The following NEB variants were observed in gnomAD, a reference collection of about 807,000 sequenced individuals.
NEB encodes nebulin.
In NEB, 512 loss-of-function variants were observed where a neutral mutation model predicts 952.2. The ratio of observed to expected loss-of-function variants is 0.54; its 90% CI spans 0.50 to 0.58. NEB has a LOEUF of 0.58. NEB is among the 20% of genes least tolerant of loss of function. The pLI is 0.00. For synonymous variants in NEB, 2,900 were observed against 3,149.8 expected (o/e 0.92, Z 2.66); for missense variants, 8,428 against 9,231.1 (o/e 0.91, Z 3.56).
intron 129 of NEB, 54 bp from the exon 130 acceptor site, chr2:151,549,794 C>A: frequency 9.7e-7 from 1 of 1,033,606 alleles, no homozygotes; most frequent in Non-Finnish European, 1.5e-6. Context: ...AGTAACTGAT[C>A]TGAGCTTAAC....
At chr2:151,489,891 TA>T in intron 181 of NEB, 79 bp downstream of exon 181, 1 of 1,085,110 alleles carries the variant, frequency 9.2e-7, no homozygotes, top group Non-Finnish European at 1.4e-6. Flanking sequence ...AAAAAAACCG[TA>T]ATACCTAATA....
Position 151,514,769 on chromosome 2 carries a change from G to C in NEB, c.23016+49C>G, listed in dbSNP as rs756955407. 4.8e-6 allele frequency: 6 copies of C among 1,253,284 alleles called. No homozygotes were observed. The South Asian group carries it at 8.0e-5, about 17-fold the overall frequency. The allele number at this position is 1,253,284 out of a possible 1,614,324, so 77.6% of individuals were successfully genotyped here. A position where few individuals can be genotyped will look rare whatever the true frequency, so the allele number is the denominator to read the frequency against. ...AGGAACACATTAATGAGTGTCACTAGTGCAATTATTTGGATTAAGAGGGAA... is the reference window on the plus strand; with the variant it reads ...AGGAACACATTAATGAGTGTCACTACTGCAATTATTTGGATTAAGAGGGAA... On this transcript the variant is annotated intron_variant, in intron 158 of 181. Transcript: ENST00000397345.
chr2:151,618,630 T>G (rs2098284705), intron 73 of NEB, among the ~76,000 whole-genome samples, 152 bp from the exon 74 acceptor site: 1 of 152,194 alleles, frequency 6.6e-6, no homozygotes, highest in Non-Finnish European at 1.5e-5. Flanking sequence ...TATTGAATCC[T>G]AAGTGTATTT....
In NEB at chr2:151,662,255, T is replaced by G. The variant is rs1159859904; in HGVS notation, c.5850A>C (p.Lys1950Asn). 5 of 1,613,538 alleles carry G rather than the reference T, an allele frequency of 3.1e-6. No homozygotes were observed. In the African/African-American group the frequency reaches 6.7e-5, roughly 22 times the overall value. The change falls in exon 46 of 182, where the codon AAA (lysine) becomes AAC (asparagine). Residue 1950 changes from lysine (K) to asparagine (N), a missense_variant. Physicochemically the swap from Lys to Asn is moderately conservative, Grantham distance 94 (BLOSUM62 0). Around this residue, in one of 11 missense-constraint regions of NEB, gnomAD observed 2,851 missense variants for 2,791.5 expected, o/e 1.02. Transcript: ENST00000397345. ...LGSLEAEKNK[K>N]AMEIISEKKY... ...TCTTTTCACTAATAATCTCCATGGCTTTCTTGTTTTTCTCTGCTTCCAGGG... is the reference window on the plus strand; with the variant it reads ...TCTTTTCACTAATAATCTCCATGGCGTTCTTGTTTTTCTCTGCTTCCAGGG...
intron 160 of NEB, among the ~76,000 whole-genome samples, 192 bp from the exon 161 acceptor site, chr2:151,513,029 C>T (rs1316192388): frequency 6.6e-6 from 1 of 152,106 alleles, no homozygotes; most frequent in Non-Finnish European, 1.5e-5. Context: ...AAGGTCAAGT[C>T]CTAGCTGTTG....
At chr2:151,691,508 G>GC (rs2099550534) in intron 23 of NEB, among the ~76,000 whole-genome samples, 1 of 152,112 alleles carries the variant, frequency 6.6e-6, no homozygotes, top group Non-Finnish European at 1.5e-5. Flanking sequence ...GAGGTGGCTG[G>GC]CTTTTTCTCT....
Position 151,644,133 on chromosome 2 carries a change from G to C in NEB, c.7645-4C>G, listed in dbSNP as rs765640204. On this transcript the variant is annotated splice_region_variant and splice_polypyrimidine_tract_variant and intron_variant, in intron 56 of 181. Coordinates refer to ENST00000397345, the MANE Select transcript of NEB (RefSeq NM_001164508.2). ...GAAAGCCTTCCTTGTACTTGTACTA[G>C]AGAAAAAAAATGTGTCTCATTCCTT... 1.9e-6 allele frequency: 3 copies of C among 1,607,420 alleles called. No homozygotes were observed. Among genetic ancestry groups the C allele is most frequent in the Non-Finnish European group, 2.5e-6 (3 of 1,176,534 alleles).
chr2:151,522,206 GCTC>G (rs2082405934), intron 153 of NEB, among the ~76,000 whole-genome samples: 1 of 152,048 alleles, frequency 6.6e-6, no homozygotes, highest in Non-Finnish European at 1.5e-5. Flanking sequence ...TAATTTTTTA[GCTC>G]CTTTTTATTG....
In NEB at chr2:151,563,837, G is replaced by A. The variant is rs898399041; in HGVS notation, c.18565C>T (p.Leu6189=). Residue 6189 remains leucine, a synonymous_variant, in exon 118 of 182, where the codon CTG becomes TTG. Coordinates refer to ENST00000397345, the MANE Select transcript of NEB (RefSeq NM_001164508.2). ...IPIVGAKHAD[L]VNSELKYKET... is the part of the protein sequence containing the mutation. The stretch of plus-strand genomic sequence containing the variant: ...GTCATACTGACCTCACTGTTCACCA[G>A]ATCAGCATGCTTGGCTCCAACAATG... 9.9e-6 allele frequency: 16 copies of A among 1,613,448 alleles called. No individual in the cohort carries two copies. Among genetic ancestry groups the A allele is most frequent in the Non-Finnish European group, 1.4e-5 (16 of 1,179,632 alleles).
chr2:151,493,474 T>G, intron 175 of NEB, 29 bp from the exon 176 acceptor site: 1 of 1,458,956 alleles, frequency 6.9e-7, no homozygotes, highest in Admixed American at 2.1e-5. Flanking sequence ...CATCTAGGCA[T>G]CAGACAGCAG....
At chr2:151,658,450 T>C (rs1324920501) in intron 47 of NEB, among the ~76,000 whole-genome samples, 1 of 152,174 alleles carries the variant, frequency 6.6e-6, no homozygotes, top group Non-Finnish European at 1.5e-5. Context: ...ATCTCTGTTT[T>C]AGAATCAGCA....
At chr2:151,651,722 A>G (rs1267532809) in intron 52 of NEB, among the ~76,000 whole-genome samples, 1 of 152,212 alleles carries the variant, frequency 6.6e-6, no homozygotes, top group Non-Finnish European at 1.5e-5. Context: ...TACTAACAGC[A>G]TTTACTTGAT....
chr2:151,492,637 G>A, intron 176 of NEB, 143 bp from the exon 177 acceptor site: 1 of 485,842 alleles, frequency 2.1e-6, no homozygotes, highest in Middle Eastern at 5.5e-4. Flanking sequence ...GACCAATTTT[G>A]GAACAGGCTA....
Position 151,644,111 on chromosome 2 carries a change from A to G in NEB, c.7663T>C (p.Phe2555Leu), listed in dbSNP as rs1194822358. The G allele has an allele frequency of 3.1e-6, 5 of 1,613,744 alleles. No homozygotes were observed. Among genetic ancestry groups the G allele is most frequent in the Non-Finnish European group, 4.2e-6 (5 of 1,179,802 alleles). The change falls in exon 57 of 182, where the codon TTT becomes CTT. Residue 2555 changes from phenylalanine to leucine, a missense_variant. By Grantham distance (22) the Phe-to-Leu change is conservative (BLOSUM62 0). Transcript: ENST00000397345. ...ATGTGGTGGCCGAGCTGCTTGCGAA[A>G]GCCTTCCTTGTACTTGTACTAGAGA... ...IASEYKYKEG[F>L]RKQLGHHIGA... is the part of the protein sequence containing the mutation.
chr2:151,607,089 T>A (rs1329196140), intron 83 of NEB, among the ~76,000 whole-genome samples: 1 of 102,360 alleles, frequency 9.8e-6, no homozygotes, highest in African/African-American at 2.6e-5. Context: ...CCTTTGACTT[T>A]TCAGAAGTTT....
In NEB at chr2:151,666,917, G is replaced by A. The variant is rs112398596; in HGVS notation, c.4720-516C>T. On this transcript the variant is annotated intron_variant, in intron 40 of 181. Transcript: ENST00000397345. ...TTATTAATTTGTATTACCTTAAAAC[G>A]TATTTGTATGAGTAAATTTCAGCCC... Among the ~76,000 whole-genome samples, 488 of 151,848 alleles carry A rather than the reference G, an allele frequency of 3.2e-3. 6 individuals are homozygous for A. The highest frequency in any genetic ancestry group is 0.011 in the African/African-American group (447 of 41,444).
intron 120 of NEB, 80 bp downstream of exon 120, chr2:151,562,531 A>C: frequency 7.6e-7 from 1 of 1,316,030 alleles, no homozygotes; most frequent in South Asian, 1.6e-5. Context: ...CAACGGGAGC[A>C]TGGCAGCCAG....
At chr2:151,676,506 TTACC>T (rs1354584386) in intron 34 of NEB, among the ~76,000 whole-genome samples, 1 of 152,208 alleles carries the variant, frequency 6.6e-6, no homozygotes, top group Non-Finnish European at 1.5e-5. Context: ...ACATCTCTTC[TTACC>T]TACCCCCTAA....
chr2:151,730,603 C>T (rs1446582359), intron 3 of NEB, among the ~76,000 whole-genome samples: 3 of 129,444 alleles, frequency 2.3e-5, no homozygotes, highest in Non-Finnish European at 3.2e-5. Context: ...AAACACTTGG[C>T]TCATTTCTTA....
Sources: gnomAD v4.1 joint callset for allele counts (sites outside exome capture counted in the v4.1 genomes callset) on GRCh38, gnomAD v4.1.1 for gene constraint, gnomAD v4.1.1 regional missense constraint, MANE v1.5 for transcripts, NCBI Gene and HGNC (gene_info 2026-07-23, HGNC 2026-07-21) for gene names.